The following MKLN1 variants were observed in gnomAD, a reference collection of about 807,000 sequenced individuals.
The protein encoded by MKLN1 is muskelin 1.
MKLN1 carries 18 observed loss-of-function variants against 99.0 expected under a neutral mutation model. The observed-to-expected ratio is 0.18, with a 90% CI of 0.13 to 0.27. The LOEUF is 0.27. Ranked by LOEUF, MKLN1 falls within the 10% of genes least tolerant of loss-of-function variation. MKLN1 has a pLI of 1.00. For synonymous variants in MKLN1, 288 were observed against 293.2 expected (o/e 0.98, Z 0.18); for missense variants, 621 against 875.9 (o/e 0.71, Z 3.67).
chr7:131,422,385 C>T (rs1487751085), intron 8 of MKLN1, among the ~76,000 whole-genome samples: 3 of 152,076 alleles, frequency 2.0e-5, no homozygotes, highest in Non-Finnish European at 4.4e-5. Context: ...TCTGTCTCTG[C>T]AAAATATTTT....
intron 2 of MKLN1, among the ~76,000 whole-genome samples, chr7:131,182,714 C>T (rs1037109223): frequency 4.6e-5 from 7 of 151,920 alleles, no homozygotes; most frequent in Non-Finnish European, 1.0e-4. Context: ...TGAAATTCCC[C>T]ATTATACTGC....
chr7:131,466,180 G>A (rs1796656353), intron 14 of MKLN1, 96 bp from the exon 15 acceptor site: 3 of 816,588 alleles, frequency 3.7e-6, no homozygotes, highest in Non-Finnish European at 5.3e-6. Context: ...TTTTTTATTT[G>A]AATGGGCTCA....
chr7:131,320,742 C>A (rs1798759794), intron 3 of MKLN1, among the ~76,000 whole-genome samples: 1 of 151,932 alleles, frequency 6.6e-6, no homozygotes, highest in African/African-American at 2.4e-5. Context: ...AGAAAAAAAA[C>A]AAACAACCCC....
At chr7:131,142,903 A>G (rs894745275) in exon 2 of MKLN1, 1 of 1,304,970 alleles carries the variant, frequency 7.7e-7, no homozygotes, top group African/African-American at 1.5e-5. Flanking sequence ...TTGGATTCAT[A>G]ACCTGCTCCA....
At chr7:131,329,092 A>C (rs1798988636) in intron 1 of MKLN1, among the ~76,000 whole-genome samples, 1 of 152,280 alleles carries the variant, frequency 6.6e-6, no homozygotes, top group Non-Finnish European at 1.5e-5. Context: ...TGAGTATTTT[A>C]CTAAACAAAA....
chr7:131,268,847 G>A (rs1276676434), intron 3 of MKLN1, among the ~76,000 whole-genome samples: 2 of 152,182 alleles, frequency 1.3e-5, no homozygotes, highest in Non-Finnish European at 2.9e-5. Context: ...AAATAAATAT[G>A]CTAACTTATT....
chr7:131,190,793 G>A (rs326234), intron 2 of MKLN1, among the ~76,000 whole-genome samples: 31,976 of 151,998 alleles, frequency 0.21, 4,031 homozygotes, highest in African/African-American at 0.35. Flanking sequence ...GCCCTGGAGC[G>A]CTGCAGAGAA....
chr7:131,473,668 G>A (rs929934774), intron 16 of MKLN1, among the ~76,000 whole-genome samples: 1 of 152,112 alleles, frequency 6.6e-6, no homozygotes, highest in Non-Finnish European at 1.5e-5. Context: ...ACACTTCTGC[G>A]GAGTTTCCAG....
At position 131,363,557 on chromosome 7, in the gene MKLN1, A is replaced by G. The variant is rs572273963; in HGVS notation, c.99-11867A>G. Among the ~76,000 whole-genome samples the G allele has an allele frequency of 1.2e-4, 18 of 152,080 alleles. 1 individual carries two copies. The highest frequency in any genetic ancestry group is 5.9e-4 in the Admixed American group (9 of 15,262). On this transcript the variant is annotated intron_variant, in intron 1 of 17. Transcript: ENST00000352689. ...TTTCCAGTTATCTCTGCATTTACCTATATCTTGGAGCCTGAGAAGGATGTG... is the reference window on the plus strand; with the variant it reads ...TTTCCAGTTATCTCTGCATTTACCTGTATCTTGGAGCCTGAGAAGGATGTG...
At chr7:131,217,047 A>G (rs1796993314) in intron 3 of MKLN1, among the ~76,000 whole-genome samples, 1 of 152,228 alleles carries the variant, frequency 6.6e-6, no homozygotes, top group Non-Finnish European at 1.5e-5. Flanking sequence ...TTTAAGCAAA[A>G]TAAGTGAGAA....
rs1273409914 is a variant in MKLN1, at chr7:131,493,027, T to C, written c.*5299T>C. 6.6e-6 allele frequency: 1 copy of C among 152,192 alleles called. No homozygotes were observed. The highest frequency in any genetic ancestry group is 1.5e-5 in the Non-Finnish European group (1 of 68,032). 9.4% of individuals were successfully genotyped at this position (152,192 alleles called of 1,614,324 possible). On this transcript the variant is annotated 3_prime_UTR_variant, in exon 18 of 18. Coordinates refer to ENST00000352689, the MANE Select transcript of MKLN1 (RefSeq NM_013255.5). The stretch of plus-strand genomic sequence containing the variant: ...TAGTTTATCTTCTTAATTAGAATCA[T>C]TATTTGGAAATAAGATTTGCAATGT...
rs552050193 is a variant in MKLN1 at position 131,274,003 on chromosome 7, C to A, written c.-179+71029C>A. 2.0e-5 allele frequency among the ~76,000 whole-genome samples: 3 copies of A among 152,242 alleles called. No individual in the cohort carries two copies. The South Asian group carries it at 6.2e-4, about 32-fold the overall frequency. Reference sequence around the variant, plus strand: ...ATATTCATTATAATTGTTTTCACTCCATGTACCACCCAAGACAATAGATCA... The same window carrying A: ...ATATTCATTATAATTGTTTTCACTCAATGTACCACCCAAGACAATAGATCA... On this transcript the variant is annotated intron_variant, in intron 3 of 7. Transcript: ENST00000416992.
At chr7:131,428,951 C>T (rs1584733025) in intron 8 of MKLN1, 82 bp from the exon 9 acceptor site, 2 of 1,011,442 alleles carry the variant, frequency 2.0e-6, no homozygotes, top group East Asian at 4.8e-5. Context: ...TCTTAAGTGG[C>T]CTTAGAAACA....
chr7:131,228,965 A>G (rs1292658167), intron 3 of MKLN1, among the ~76,000 whole-genome samples: 1 of 152,198 alleles, frequency 6.6e-6, no homozygotes, highest in African/African-American at 2.4e-5. Flanking sequence ...AAACCCAAGA[A>G]TTATTGAGTA....
intron 2 of MKLN1, among the ~76,000 whole-genome samples, chr7:131,379,203 G>C (rs1434332936): frequency 6.6e-6 from 1 of 152,106 alleles, no homozygotes; most frequent in Non-Finnish European, 1.5e-5. Context: ...TCTGAAAATA[G>C]TTACCTTTAT....
intron 12 of MKLN1, among the ~76,000 whole-genome samples, chr7:131,447,885 A>T (rs1020409982): frequency 2.0e-5 from 3 of 152,204 alleles, no homozygotes; most frequent in Non-Finnish European, 4.4e-5. Flanking sequence ...TAGAAGTTTG[A>T]GTGCAAGGAA....
chr7:131,444,736 TA>T, intron 11 of MKLN1, among the ~76,000 whole-genome samples: 1 of 127,348 alleles, frequency 7.9e-6, no homozygotes. Flanking sequence ...GTAGTAGTAG[TA>T]GTAGTAGTAG....
intron 3 of MKLN1, among the ~76,000 whole-genome samples, chr7:131,254,937 G>A (rs1212832034): frequency 1.3e-5 from 2 of 152,058 alleles, no homozygotes; most frequent in Non-Finnish European, 2.9e-5. Flanking sequence ...TGTTGCCCAG[G>A]CTGGAGCGCA....
chr7:131,294,916 C>T (rs545042849), intron 3 of MKLN1, among the ~76,000 whole-genome samples: 1 of 152,272 alleles, frequency 6.6e-6, no homozygotes, highest in Admixed American at 6.5e-5. Context: ...TTCCTTGGAA[C>T]GCAAACCATC....
Sources: gnomAD v4.1 joint callset for allele counts (sites outside exome capture counted in the v4.1 genomes callset) on GRCh38, gnomAD v4.1.1 for gene constraint, MANE v1.5 for transcripts, NCBI Gene and HGNC (gene_info 2026-07-23, HGNC 2026-07-21) for gene names.